Variants in ZNF385D observed in about 807,000 individuals in gnomAD.
ZNF385D encodes zinc finger protein 385D.
A neutral mutation model predicts 35.8 loss-of-function variants in ZNF385D; 15 were observed. That is an observed-to-expected ratio of 0.42 (90% confidence interval 0.28 to 0.64). The LOEUF (loss-of-function observed/expected upper bound fraction) is 0.64. Among genes scored for constraint, ZNF385D ranks in the 30% least tolerant of loss-of-function variants. ZNF385D has a pLI of 0.23. For synonymous variants in ZNF385D, 212 were observed against 186.8 expected (o/e 1.13, Z -1.10); for missense variants, 474 against 494.6 (o/e 0.96, Z 0.39).
chr3:21,665,831 T>A (rs986825475), intron 1 of ZNF385D, among the ~76,000 whole-genome samples: 1 of 152,208 alleles, frequency 6.6e-6, no homozygotes, highest in Non-Finnish European at 1.5e-5. Context: ...TGGAAGCCCA[T>A]CTTTAGTGTT....
At chr3:22,302,931 G>A (rs1702985721) in intron 2 of ZNF385D, among the ~76,000 whole-genome samples, 1 of 151,966 alleles carries the variant, frequency 6.6e-6, no homozygotes, top group African/African-American at 2.4e-5. Context: ...GTTTTCATCT[G>A]TTCTTAGTTT....
chr3:21,532,282 T>G (rs558910886), intron 3 of ZNF385D, among the ~76,000 whole-genome samples: 1 of 152,160 alleles, frequency 6.6e-6, no homozygotes, highest in African/African-American at 2.4e-5. Context: ...TGAAACCATC[T>G]TACCTTTGGA....
rs3073906 is a variant in ZNF385D at position 21,864,990 on chromosome 3, C to CTTTTTTTT, written c.326-199970_326-199963dup. On this transcript the variant is annotated intron_variant, in intron 3 of 5. Coordinates refer to the ZNF385D transcript ENST00000494108. The stretch of plus-strand genomic sequence containing the variant: ...CAGCCAACCTACGTTTGGAACAATG[C>CTTTTTTTT]TTTTTTTTTTTTTCTTCCACTTTGC... Among the ~76,000 whole-genome samples, 389 of 112,122 alleles carry CTTTTTTTT rather than the reference C, an allele frequency of 3.5e-3. 15 individuals are homozygous for CTTTTTTTT. The highest frequency in any genetic ancestry group is 6.1e-3 in the African/African-American group (172 of 28,246). The allele number at this position is 112,122 out of a possible 152,430, so 73.6% of individuals were successfully genotyped here. A position where few individuals can be genotyped will look rare whatever the true frequency, so the allele number is the denominator to read the frequency against.
At position 21,895,416 on chromosome 3, in the gene ZNF385D, C is replaced by A. The variant is rs115882713; in HGVS notation, c.326-230388G>T. On this transcript the variant is annotated intron_variant, in intron 3 of 5. Transcript: ENST00000494108. ...AGTCTTGGCTCACTGCAACGTCTGC[C>A]TCTGGGTTCAAGTGATTCTCCTGCC... 7.8e-3 allele frequency among the ~76,000 whole-genome samples: 1,138 copies of A among 146,784 alleles called. 14 individuals are homozygous for A. The highest frequency in any genetic ancestry group is 0.027 in the African/African-American group (1,059 of 39,802).
At chr3:21,677,536 T>G (rs568097114) in intron 1 of ZNF385D, among the ~76,000 whole-genome samples, 1 of 152,212 alleles carries the variant, frequency 6.6e-6, no homozygotes, top group Non-Finnish European at 1.5e-5. Flanking sequence ...ATGTTCTTAC[T>G]ATTCCTTAGA....
intron 2 of ZNF385D, among the ~76,000 whole-genome samples, chr3:22,203,920 G>A (rs2087721): frequency 0.12 from 18,932 of 152,138 alleles, 1,518 homozygotes; most frequent in Middle Eastern, 0.24. Context: ...CTTGTTGCCC[G>A]AAGGGAAGAA....
chr3:21,734,368 C>A (rs28485157), intron 1 of ZNF385D, among the ~76,000 whole-genome samples: 7,409 of 147,500 alleles, frequency 0.05, 378 homozygotes, highest in African/African-American at 0.13. Flanking sequence ...TTTTGTTTTT[C>A]TTTTTTAAAA....
chr3:21,847,444 T>C (rs1027308357), intron 3 of ZNF385D, among the ~76,000 whole-genome samples: 2 of 152,190 alleles, frequency 1.3e-5, no homozygotes, highest in Admixed American at 6.6e-5. Flanking sequence ...CATTTCTATG[T>C]TTTTGATAGG....
intron 2 of ZNF385D, among the ~76,000 whole-genome samples, chr3:22,293,100 C>T (rs1702386972): frequency 1.3e-5 from 2 of 152,214 alleles, no homozygotes; most frequent in Non-Finnish European, 1.5e-5. Flanking sequence ...TTATATATAA[C>T]TCAAATGCTA....
intron 2 of ZNF385D, among the ~76,000 whole-genome samples, chr3:22,276,141 C>T (rs1701415484): frequency 6.6e-6 from 1 of 151,826 alleles, no homozygotes; most frequent in South Asian, 2.1e-4. Flanking sequence ...GGCACTGTCA[C>T]AAAAATGAAA....
chr3:22,032,507 G>A (rs746275707), intron 3 of ZNF385D, among the ~76,000 whole-genome samples: 5 of 152,102 alleles, frequency 3.3e-5, no homozygotes, highest in Non-Finnish European at 7.4e-5. Flanking sequence ...CTTGACACAT[G>A]GGGATTACAA....
intron 2 of ZNF385D, among the ~76,000 whole-genome samples, chr3:22,173,559 G>C (rs939560971): frequency 6.6e-6 from 1 of 152,136 alleles, no homozygotes; most frequent in Admixed American, 6.5e-5. Context: ...TTGAGAACTT[G>C]TGTGCTCTGG....
At chr3:21,638,240 C>G (rs1423280926) in intron 2 of ZNF385D, among the ~76,000 whole-genome samples, 1 of 152,032 alleles carries the variant, frequency 6.6e-6, no homozygotes, top group Non-Finnish European at 1.5e-5. Flanking sequence ...TCTTATGTTT[C>G]TGCACTTCTG....
chr3:22,339,397 A>C (rs994525174), intron 2 of ZNF385D, among the ~76,000 whole-genome samples: 9 of 152,190 alleles, frequency 5.9e-5, no homozygotes, highest in African/African-American at 2.2e-4. Flanking sequence ...GTTATCAAAT[A>C]CTATGTGCCA....
chr3:22,299,413 CG>C (rs1702775749), intron 2 of ZNF385D, among the ~76,000 whole-genome samples: 1 of 151,322 alleles, frequency 6.6e-6, no homozygotes, highest in African/African-American at 2.4e-5. Flanking sequence ...TTATACTACA[CG>C]GGGGGAATGG....
intron 3 of ZNF385D, among the ~76,000 whole-genome samples, chr3:21,795,279 A>T (rs2072099683): frequency 6.6e-6 from 1 of 152,146 alleles, no homozygotes; most frequent in Non-Finnish European, 1.5e-5. Flanking sequence ...GCCCCATTGG[A>T]CCTCTAATAA....
At chr3:22,119,870 C>T (rs1395459445) in intron 3 of ZNF385D, among the ~76,000 whole-genome samples, 8 of 152,094 alleles carry the variant, frequency 5.3e-5, no homozygotes, top group Admixed American at 3.9e-4. Flanking sequence ...TTTTTTGAGA[C>T]AGGATCTCAC....
intron 1 of ZNF385D, among the ~76,000 whole-genome samples, chr3:21,665,800 C>A (rs1410289838): frequency 6.6e-6 from 1 of 152,182 alleles, no homozygotes; most frequent in Admixed American, 6.5e-5. Flanking sequence ...AGGACTCTGC[C>A]ACACTCAGGA....
intron 4 of ZNF385D, among the ~76,000 whole-genome samples, chr3:21,451,765 T>A (rs1402677790): frequency 6.6e-6 from 1 of 152,094 alleles, no homozygotes; most frequent in Non-Finnish European, 1.5e-5. Context: ...CTCAGTATAG[T>A]ACTACGAGAA....
Sources: gnomAD v4.1 joint callset for allele counts (sites outside exome capture counted in the v4.1 genomes callset) on GRCh38, gnomAD v4.1.1 for gene constraint, MANE v1.5 for transcripts, NCBI Gene and HGNC (gene_info 2026-07-23, HGNC 2026-07-21) for gene names.